The following LPP variants were observed in gnomAD, a reference collection of about 807,000 sequenced individuals.
The protein encoded by LPP is LIM domain containing preferred translocation partner in lipoma.
LPP carries 38 observed loss-of-function variants against 60.4 expected under a neutral mutation model. The observed-to-expected ratio is 0.63, with a 90% CI of 0.49 to 0.83. The LOEUF (loss-of-function observed/expected upper bound fraction) is 0.83. Ranked by LOEUF, LPP falls within the 40% of genes least tolerant of loss-of-function variation. The probability of loss-of-function intolerance (pLI) is 0.00; values close to 1 mark genes in which losing one functional copy is unlikely to be tolerated. For missense variants in LPP, 902 were observed against 783.6 expected (o/e 1.15, Z -1.80); for synonymous variants, 328 against 290.8 (o/e 1.13, Z -1.30).
chr3:188,695,992 T>C (rs1479154541), intron 7 of LPP, among the ~76,000 whole-genome samples: 1 of 152,204 alleles, frequency 6.6e-6, no homozygotes. Flanking sequence ...GGCTAATCAC[T>C]TAACAAACCA....
intron 9 of LPP, among the ~76,000 whole-genome samples, chr3:188,778,897 G>A (rs1738673163): frequency 6.6e-6 from 1 of 152,114 alleles, no homozygotes; most frequent in South Asian, 2.1e-4. Context: ...CAATATAAAT[G>A]GGACAAGCAA....
At chr3:188,160,361 A>G (rs148929426) in intron 1 of LPP, among the ~76,000 whole-genome samples, 2,874 of 150,758 alleles carry the variant, frequency 0.019, 38 homozygotes, top group Middle Eastern at 0.062. Flanking sequence ...CGCCTGGCTA[A>G]TTTTTGTATT....
intron 9 of LPP, among the ~76,000 whole-genome samples, chr3:188,811,052 A>G (rs1189282462): frequency 6.6e-6 from 1 of 152,106 alleles, no homozygotes; most frequent in Non-Finnish European, 1.5e-5. Context: ...TAATTGTAGG[A>G]GAATACATAC....
At chr3:188,797,826 G>C in intron 9 of LPP, among the ~76,000 whole-genome samples, 1 of 152,180 alleles carries the variant, frequency 6.6e-6, no homozygotes, top group Middle Eastern at 3.2e-3. Context: ...TTTGAGAGAA[G>C]GGCCTATAAC....
At chr3:188,250,083 C>T (rs1728614992) in intron 2 of LPP, among the ~76,000 whole-genome samples, 2 of 152,144 alleles carry the variant, frequency 1.3e-5, no homozygotes, top group African/African-American at 4.8e-5. Flanking sequence ...GTCTGTACTT[C>T]TCCTTTGTCA....
At chr3:188,493,225 A>G (rs573000104) in intron 5 of LPP, among the ~76,000 whole-genome samples, 1 of 152,274 alleles carries the variant, frequency 6.6e-6, no homozygotes, top group Non-Finnish European at 1.5e-5. Flanking sequence ...GCTTTACTTC[A>G]GTATTGTACC....
intron 4 of LPP, among the ~76,000 whole-genome samples, chr3:188,466,488 T>G (rs945707648): frequency 6.6e-6 from 1 of 152,016 alleles, no homozygotes; most frequent in Non-Finnish European, 1.5e-5. Flanking sequence ...GCTTGTATCT[T>G]CTTTATAATA....
At chr3:188,512,826 T>C (rs1043921900) in intron 5 of LPP, among the ~76,000 whole-genome samples, 5 of 152,176 alleles carry the variant, frequency 3.3e-5, no homozygotes, top group African/African-American at 1.2e-4. Flanking sequence ...TGTGAGAAAG[T>C]GGCTTTTGAA....
At chr3:188,726,614 T>G (rs574071220) in intron 8 of LPP, among the ~76,000 whole-genome samples, 19 of 152,058 alleles carry the variant, frequency 1.2e-4, no homozygotes, top group Non-Finnish European at 2.2e-4. Flanking sequence ...AGTGATACAG[T>G]GGTATTGGAG....
intron 8 of LPP, among the ~76,000 whole-genome samples, chr3:188,756,376 C>T (rs1387694009): frequency 2.0e-5 from 3 of 152,218 alleles, no homozygotes; most frequent in Admixed American, 2.0e-4. Flanking sequence ...AAGCTCTTCA[C>T]ACCAGCCCTG....
chr3:188,420,842 A>G (rs577362490), intron 4 of LPP, among the ~76,000 whole-genome samples: 1 of 152,348 alleles, frequency 6.6e-6, no homozygotes, highest in Admixed American at 6.5e-5. Context: ...CTACAGTAGA[A>G]AGTGTAACGT....
rs938630279 is a variant in LPP, at chr3:188,673,226, G to T, written c.1114-35041G>T. Among the ~76,000 whole-genome samples the T allele has an allele frequency of 5.9e-5, 9 of 151,872 alleles. No homozygotes were observed. In the East Asian group the frequency reaches 1.7e-3, roughly 29 times the overall value. The stretch of plus-strand genomic sequence containing the variant: ...GGCAGATTCATAATAGAGAAGTACC[G>T]TTTTTTTGTTTGTTTGTTTGTTTTT... On this transcript the variant is annotated intron_variant, in intron 7 of 11. Transcript: ENST00000617246.
intron 6 of LPP, among the ~76,000 whole-genome samples, chr3:188,607,324 G>A (rs888440907): frequency 6.6e-5 from 9 of 135,886 alleles, no homozygotes; most frequent in Non-Finnish European, 8.0e-5. Context: ...GTGTGAGCAC[G>A]TTTCTGAATA....
chr3:188,661,970 G>A (rs981653507), intron 7 of LPP, among the ~76,000 whole-genome samples: 4 of 152,188 alleles, frequency 2.6e-5, no homozygotes, highest in Admixed American at 6.5e-5. Flanking sequence ...GCTTTTGACT[G>A]TTATTGCAGT....
At chr3:188,614,273 C>T (rs1337607761) in intron 7 of LPP, among the ~76,000 whole-genome samples, 1 of 152,070 alleles carries the variant, frequency 6.6e-6, no homozygotes, top group African/African-American at 2.4e-5. Flanking sequence ...ATTGATTGCA[C>T]TCTAAAGAAT....
At chr3:188,859,070 CAG>C in intron 9 of LPP, among the ~76,000 whole-genome samples, 1 of 118,410 alleles carries the variant, frequency 8.4e-6, no homozygotes, top group Middle Eastern at 8.1e-3. Context: ...GCCTAGGTGA[CAG>C]AGTGAGACTC....
At chr3:188,671,780 G>A (rs1857005091) in intron 7 of LPP, among the ~76,000 whole-genome samples, 1 of 152,096 alleles carries the variant, frequency 6.6e-6, no homozygotes, top group Non-Finnish European at 1.5e-5. Context: ...ACTATACTAG[G>A]CACCCACCCT....
chr3:188,528,226 A>C (rs1821185237), intron 6 of LPP, among the ~76,000 whole-genome samples: 1 of 152,060 alleles, frequency 6.6e-6, no homozygotes, highest in Non-Finnish European at 1.5e-5. Flanking sequence ...ATGGGGTTTC[A>C]CTATGTTGGC....
intron 6 of LPP, among the ~76,000 whole-genome samples, chr3:188,560,513 G>A (rs1394963179): frequency 6.6e-6 from 1 of 152,036 alleles, no homozygotes; most frequent in Non-Finnish European, 1.5e-5. Flanking sequence ...TTCCAGTTCC[G>A]ATTCTCAGAT....
Sources: allele counts gnomAD v4.1 joint callset (sites outside exome capture counted in the v4.1 genomes callset), GRCh38; gene constraint gnomAD v4.1.1; transcripts MANE v1.5; gene names NCBI Gene and HGNC (gene_info 2026-07-23, HGNC 2026-07-21).